The following RBFOX1 variants were observed in gnomAD, a reference collection of about 807,000 sequenced individuals.
The protein encoded by RBFOX1 is RNA binding protein fox-1 homolog 1.
A neutral mutation model predicts 57.7 loss-of-function variants in RBFOX1; 8 were observed. That is an observed-to-expected ratio of 0.14 (90% CI 0.08 to 0.25). The LOEUF is 0.25. Ranked by LOEUF, RBFOX1 falls within the 10% of genes least tolerant of loss-of-function variation. The pLI, the probability that RBFOX1 is intolerant of heterozygous loss-of-function variation, is 1.00. For missense variants in RBFOX1, 611 were observed against 548.5 expected, an observed-to-expected ratio of 1.11 and a Z score of -1.14; for synonymous variants, 326 against 222.4, an observed-to-expected ratio of 1.47 and a Z score of -4.15.
At chr16:6,619,873 C>T (rs1763225795) in intron 2 of RBFOX1, among the ~76,000 whole-genome samples, 1 of 152,060 alleles carries the variant, frequency 6.6e-6, no homozygotes, top group South Asian at 2.1e-4. Flanking sequence ...CTCCACCCTA[C>T]AATAGGCCGC....
At chr16:5,720,002 C>T (rs1281738754) in intron 3 of RBFOX1, among the ~76,000 whole-genome samples, 1 of 152,046 alleles carries the variant, frequency 6.6e-6, no homozygotes, top group South Asian at 2.1e-4. Flanking sequence ...GTTTCCGAAG[C>T]GGCTGCACCA....
rs544572535 is a variant in RBFOX1, at chr16:6,565,680, G to A, written c.-63-88923G>A. On this transcript the variant is annotated intron_variant, in intron 2 of 15. Coordinates refer to ENST00000550418, the MANE Select transcript of RBFOX1 (RefSeq NM_018723.4). ...GACGGGGGTTTCACCATGTTAGCCA[G>A]GATGGTCTCGATCTCCTGACCTCGT... Among the ~76,000 whole-genome samples the A allele has an allele frequency of 1.6e-4, 24 of 152,148 alleles. 1 individual carries two copies. The South Asian group carries it at 5.0e-3, about 32-fold the overall frequency.
intron 1 of RBFOX1, among the ~76,000 whole-genome samples, chr16:5,453,385 A>G (rs1294787572): frequency 6.6e-6 from 1 of 152,136 alleles, no homozygotes; most frequent in African/African-American, 2.4e-5. Context: ...AGATTCAACT[A>G]AACATTTAGA....
intron 3 of RBFOX1, among the ~76,000 whole-genome samples, chr16:6,897,231 AG>A (rs1460634648): frequency 6.6e-6 from 1 of 152,216 alleles, no homozygotes; most frequent in African/African-American, 2.4e-5. Flanking sequence ...AAGATAGAGT[AG>A]AAAATATTTG....
chr16:6,163,983 G>C (rs2096897906), intron 1 of RBFOX1, among the ~76,000 whole-genome samples: 1 of 152,318 alleles, frequency 6.6e-6, no homozygotes, highest in East Asian at 1.9e-4. Flanking sequence ...TAGAGACACA[G>C]ATTAACATAT....
chr16:7,202,730 A>G lies in RBFOX1; in HGVS notation c.27+150632A>G, dbSNP rs199773040. Among the ~76,000 whole-genome samples the G allele has an allele frequency of 5.3e-5, 8 of 152,314 alleles. No individual in the cohort carries two copies. In the East Asian group the frequency reaches 1.5e-3, roughly 29 times the overall value. Reference sequence around the variant, plus strand: ...TGCATGTGAGGGATCTAGGTTGTGCACTTCTTATGAGAATCTAATGCCTGA... The same window carrying G: ...TGCATGTGAGGGATCTAGGTTGTGCGCTTCTTATGAGAATCTAATGCCTGA... On this transcript the variant is annotated intron_variant, in intron 4 of 15. Coordinates refer to ENST00000550418, the MANE Select transcript of RBFOX1 (RefSeq NM_018723.4).
At chr16:5,930,381 C>A (rs1353980944) in intron 4 of RBFOX1, among the ~76,000 whole-genome samples, 3 of 114,866 alleles carry the variant, frequency 2.6e-5, no homozygotes, top group Non-Finnish European at 3.6e-5. Flanking sequence ...TGGATGGATG[C>A]ATGGATGGAT....
At chr16:6,467,678 G>A (rs76637823) in intron 2 of RBFOX1, among the ~76,000 whole-genome samples, 186 of 152,258 alleles carry the variant, frequency 1.2e-3, no homozygotes, top group East Asian at 0.01. Flanking sequence ...GAGAAAGCCC[G>A]AGACTGCAGT....
chr16:7,052,282 T>C (rs2050351409), intron 4 of RBFOX1, among the ~76,000 whole-genome samples, 184 bp downstream of exon 4: 1 of 152,220 alleles, frequency 6.6e-6, no homozygotes, highest in Non-Finnish European at 1.5e-5. Flanking sequence ...TATATCTTCT[T>C]TGGAAGTGCC....
At chr16:6,476,650 C>A (rs1382762068) in intron 2 of RBFOX1, among the ~76,000 whole-genome samples, 1 of 152,088 alleles carries the variant, frequency 6.6e-6, no homozygotes. Flanking sequence ...TGGCTTTGTA[C>A]TGGTCAGGGT....
chr16:5,547,659 G>A (rs190987598), intron 2 of RBFOX1, among the ~76,000 whole-genome samples: 42 of 152,262 alleles, frequency 2.8e-4, no homozygotes, highest in Non-Finnish European at 1.5e-5. Context: ...ATTCATTAAC[G>A]GTGCCTTGAG....
chr16:5,459,337 G>C (rs908571262), intron 1 of RBFOX1, among the ~76,000 whole-genome samples: 6 of 152,184 alleles, frequency 3.9e-5, no homozygotes, highest in African/African-American at 1.2e-4. Flanking sequence ...CTTCAGGCTT[G>C]ACTGCATCCC....
rs758307600 is a variant in RBFOX1, at chr16:5,377,971, AT to A, written c.220-89238del. 2.2e-4 allele frequency among the ~76,000 whole-genome samples: 34 copies of A among 151,336 alleles called. No homozygotes were observed. The East Asian group carries it at 5.8e-3, about 26-fold the overall frequency. On this transcript the variant is annotated intron_variant, in intron 1 of 2. Coordinates refer to the RBFOX1 transcript ENST00000585867. ...CAGGTAATTTTCTTTTCTTTCTTTTATTTTTTTAAAGGCTCCTTTTAAAGCA... is the reference window on the plus strand; with the variant it reads ...CAGGTAATTTTCTTTTCTTTCTTTTATTTTTTAAAGGCTCCTTTTAAAGCA...
intron 1 of RBFOX1, among the ~76,000 whole-genome samples, chr16:6,285,096 T>C (rs1230408994): frequency 6.6e-6 from 1 of 152,118 alleles, no homozygotes; most frequent in African/African-American, 2.4e-5. Flanking sequence ...TTTCAGATAC[T>C]TACTGTAGGA....
At chr16:6,841,820 C>A (rs997990690) in intron 3 of RBFOX1, among the ~76,000 whole-genome samples, 4 of 152,022 alleles carry the variant, frequency 2.6e-5, no homozygotes, top group Non-Finnish European at 5.9e-5. Context: ...TGTGAATGTT[C>A]TTCAGGTAGA....
chr16:6,725,976 A>T (rs549348640), intron 3 of RBFOX1, among the ~76,000 whole-genome samples: 8 of 152,342 alleles, frequency 5.3e-5, no homozygotes, highest in Admixed American at 4.6e-4. Context: ...GTTAAATAAT[A>T]ACACTGGCCC....
At chr16:5,954,091 C>G (rs1227860889) in intron 4 of RBFOX1, among the ~76,000 whole-genome samples, 1 of 152,164 alleles carries the variant, frequency 6.6e-6, no homozygotes, top group Non-Finnish European at 1.5e-5. Flanking sequence ...AGGACAGCCC[C>G]CTGCCATCGA....
intron 5 of RBFOX1, among the ~76,000 whole-genome samples, chr16:7,531,558 C>G (rs780446009): frequency 1.1e-4 from 17 of 152,174 alleles, no homozygotes; most frequent in Non-Finnish European, 2.5e-4. Flanking sequence ...GGTCCACTGT[C>G]TTACCCAGTC....
At chr16:7,512,942 G>A (rs7193698) in intron 4 of RBFOX1, among the ~76,000 whole-genome samples, 140,918 of 152,260 alleles carry the variant, frequency 0.93, 65,666 homozygotes, top group Non-Finnish European at 0.99. Flanking sequence ...TCCATGGTGT[G>A]TGTGATAGAG....
Sources: allele counts gnomAD v4.1 joint callset (sites outside exome capture counted in the v4.1 genomes callset), GRCh38; gene constraint gnomAD v4.1.1; transcripts MANE v1.5; gene names NCBI Gene and HGNC (gene_info 2026-07-23, HGNC 2026-07-21).